Variants in RPS6KL1 observed in about 807,000 individuals in gnomAD.
RPS6KL1 encodes ribosomal protein S6 kinase-like 1.
RPS6KL1 carries 41 observed loss-of-function variants against 57.0 expected under a neutral mutation model. That is an observed-to-expected ratio of 0.72 (90% CI 0.56 to 0.93). The LOEUF is 0.93. Among genes scored for constraint, RPS6KL1 ranks in the 40% least tolerant of loss-of-function variants. The pLI is 0.00. For missense variants in RPS6KL1, 697 were observed against 727.7 expected (o/e 0.96, Z 0.49); for synonymous variants, 287 against 309.7 (o/e 0.93, Z 0.77).
At chr14:74,911,942 C>A in intron 5 of RPS6KL1, 101 bp from the exon 6 acceptor site, 2 of 958,444 alleles carry the variant, frequency 2.1e-6, no homozygotes, top group Non-Finnish European at 3.2e-6. Flanking sequence ...GAGGCTGACT[C>A]ACTCCAGTGG....
chr14:74,921,236 C>CA, intron 3 of RPS6KL1, 41 bp downstream of exon 3: 1 of 895,214 alleles, frequency 1.1e-6, no homozygotes, highest in Non-Finnish European at 1.9e-6. Flanking sequence ...TGCACTGGCC[C>CA]TTCCCCACCC....
chr14:74,918,315 G>A (rs879931488), intron 5 of RPS6KL1, among the ~76,000 whole-genome samples, 198 bp downstream of exon 5: 27 of 152,214 alleles, frequency 1.8e-4, no homozygotes, highest in Admixed American at 1.2e-3. Context: ...AAAGTCATGC[G>A]TGTTAGGGAT....
chr14:74,920,799 C>T lies in RPS6KL1; in HGVS notation c.265+478G>A, dbSNP rs571993528. On this transcript the variant is annotated intron_variant, in intron 3 of 11. Transcript: ENST00000557413. ...GTCCAAATCAACTCATCAGTCTCCC[C>T]CCACTAGAATGCAAACTCCCAGAGG... 1.6e-3 allele frequency among the ~76,000 whole-genome samples: 245 copies of T among 152,196 alleles called. 9 individuals are homozygous for T. The South Asian group carries it at 0.049, about 31-fold the overall frequency.
chr14:74,909,445 G>A (rs1885515093), intron 8 of RPS6KL1, 98 bp downstream of exon 8: 1 of 1,449,854 alleles, frequency 6.9e-7, no homozygotes, highest in Admixed American at 2.4e-5. Context: ...CCAGGGAGGA[G>A]CAGACAACCT....
In RPS6KL1 at chr14:74,904,937, G is replaced by T. The variant is rs968183136; in HGVS notation, c.*2077C>A. 1 of 152,164 alleles carries T rather than the reference G, an allele frequency of 6.6e-6. No individual in the cohort carries two copies. The highest frequency in any genetic ancestry group is 1.5e-5 in the Non-Finnish European group (1 of 68,026). 9.4% of individuals were successfully genotyped at this position (152,164 alleles called of 1,614,324 possible). A position where few individuals can be genotyped will look rare whatever the true frequency, so the allele number is the denominator to read the frequency against. Reference sequence around the variant, plus strand: ...CTGTCTGCTGAGCTCTTGCAGTGAGGCCATCCCTCTGTGAAGGTCTGTCAC... The same window carrying T: ...CTGTCTGCTGAGCTCTTGCAGTGAGTCCATCCCTCTGTGAAGGTCTGTCAC... On this transcript the variant is annotated 3_prime_UTR_variant, in exon 12 of 12. Transcript: ENST00000557413.
rs1346776028 is a variant in RPS6KL1 at position 74,918,449 on chromosome 14, C to T, written c.483+64G>A. On this transcript the variant is annotated intron_variant, in intron 5 of 11. Coordinates refer to ENST00000557413, the MANE Select transcript of RPS6KL1 (RefSeq NM_031464.5). ...GCTTTCAGCATATCATGTCTCTCTC[C>T]CCACCGCCACCCCAAATTGCATACA... 4 of 1,216,462 alleles carry T rather than the reference C, an allele frequency of 3.3e-6. No individual in the cohort carries two copies. The African/African-American group carries it at 6.0e-5, about 18-fold the overall frequency. 75.4% of individuals were successfully genotyped at this position (1,216,462 alleles called of 1,614,324 possible). A position where few individuals can be genotyped will look rare whatever the true frequency, so the allele number is the denominator to read the frequency against.
chr14:74,918,121 T>A (rs1887172385), intron 5 of RPS6KL1, among the ~76,000 whole-genome samples: 1 of 152,188 alleles, frequency 6.6e-6, no homozygotes, highest in Non-Finnish European at 1.5e-5. Flanking sequence ...TTTTATATTT[T>A]ATTTTATTTG....
intron 3 of RPS6KL1, 39 bp downstream of exon 3, chr14:74,921,238 T>TTGGCCCCCC: frequency 1.2e-6 from 1 of 840,186 alleles, no homozygotes; most frequent in Non-Finnish European, 2.0e-6. Context: ...CACTGGCCCT[T>TTGGCCCCCC]CCCCACCCAC....
At chr14:74,912,798 C>G (rs1054984703) in intron 5 of RPS6KL1, among the ~76,000 whole-genome samples, 2 of 152,248 alleles carry the variant, frequency 1.3e-5, no homozygotes, top group Admixed American at 1.3e-4. Context: ...CTTTGGAGAG[C>G]AGCCTCTCCT....
At chr14:74,916,223 C>T (rs1886818289) in intron 5 of RPS6KL1, among the ~76,000 whole-genome samples, 1 of 152,182 alleles carries the variant, frequency 6.6e-6, no homozygotes, top group Non-Finnish European at 1.5e-5. Context: ...CCAAGTCTGG[C>T]TGCAGGGACC....
rs1016882671 is a variant in RPS6KL1, at chr14:74,922,444, T to G, written c.-487A>C. On this transcript the variant is annotated 5_prime_UTR_variant, in exon 2 of 12. Coordinates refer to ENST00000557413, the MANE Select transcript of RPS6KL1 (RefSeq NM_031464.5). ...GTGGTCAGCGAGTGAGGACCCCTCC[T>G]GGAGCCAGCAGAGAGCAGAGCACAG... 1 of 627,016 alleles carries G rather than the reference T, an allele frequency of 1.6e-6. No individual in the cohort carries two copies. Among genetic ancestry groups the G allele is most frequent in the Non-Finnish European group, 2.0e-6 (1 of 501,620 alleles). The allele number at this position is 627,016 out of a possible 1,614,324, so 38.8% of individuals were successfully genotyped here. A position where few individuals can be genotyped will look rare whatever the true frequency, so the allele number is the denominator to read the frequency against.
chr14:74,909,453 C>T (rs1371008536), intron 8 of RPS6KL1, 90 bp downstream of exon 8: 1 of 1,482,580 alleles, frequency 6.7e-7, no homozygotes, highest in Non-Finnish European at 9.0e-7. Context: ...GAGCAGACAA[C>T]CTTGGAGGTC....
At chr14:74,909,474 T>TG (rs1302502580) in intron 8 of RPS6KL1, 69 bp downstream of exon 8, 2 of 1,515,422 alleles carry the variant, frequency 1.3e-6, no homozygotes. Context: ...CCCTCGACTT[T>TG]GGGGATCTCT....
intron 5 of RPS6KL1, among the ~76,000 whole-genome samples, chr14:74,913,526 A>G (rs1886362973): frequency 6.6e-6 from 1 of 152,200 alleles, no homozygotes; most frequent in Non-Finnish European, 1.5e-5. Flanking sequence ...ACTGCACTCT[A>G]GTCTGGGCAA....
intron 5 of RPS6KL1, among the ~76,000 whole-genome samples, chr14:74,917,342 C>T (rs1337290198): frequency 2.0e-5 from 3 of 152,224 alleles, no homozygotes; most frequent in Admixed American, 1.3e-4. Flanking sequence ...CGTGGCCACC[C>T]GGGGTGGTGC....
In RPS6KL1 at chr14:74,907,471, C is replaced by T; in HGVS notation, c.1503G>A (p.Glu501=). Reference sequence around the variant, plus strand: ...GAGAGGCCGCTGGGCGACTGAGCCACTCGGGCAGCTGGAGCTGGGTGTGGG... The same window carrying T: ...GAGAGGCCGCTGGGCGACTGAGCCATTCGGGCAGCTGGAGCTGGGTGTGGG... ...IQAHTQLQLP[E]WLSRPAASLL... Residue 501 remains glutamate (E), a synonymous_variant, in exon 11 of 12, where the codon GAG becomes GAA. Transcript: ENST00000557413. 1 of 1,588,838 alleles carries T rather than the reference C, an allele frequency of 6.3e-7. No homozygotes were observed. Among genetic ancestry groups the T allele is most frequent in the Non-Finnish European group, 8.6e-7 (1 of 1,167,838 alleles).
Position 74,907,045 on chromosome 14 carries a change from C to G in RPS6KL1, c.1619G>C (p.Ser540Thr). The part of the protein sequence containing the change: ...VSKLKSHPFF[S>T]TIQWSKLVG ...CACCAGCTTGCTCCATTGGATGGTA[C>G]TGAAAAAGGGATGGGACTTGAGTTT... Residue 540 changes from serine (S) to threonine (T), a missense_variant, in exon 12 of 12, where the codon AGT becomes ACT. Physicochemically the swap from Ser to Thr is moderately conservative, Grantham distance 58. Transcript: ENST00000557413. The G allele has an allele frequency of 6.2e-6, 10 of 1,613,452 alleles. No individual in the cohort carries two copies. Among genetic ancestry groups the G allele is most frequent in the Non-Finnish European group, 8.5e-6 (10 of 1,179,726 alleles).
At position 74,921,473 on chromosome 14, in the gene RPS6KL1, C is replaced by T. The variant is rs1287966961; in HGVS notation, c.69G>A (p.Arg23=). Residue 23 remains arginine, a synonymous_variant, in exon 3 of 12, where the codon CGG becomes CGA. Coordinates refer to ENST00000557413, the MANE Select transcript of RPS6KL1 (RefSeq NM_031464.5). The stretch of plus-strand genomic sequence containing the variant: ...GCTCCAGGTACACGTGAGCTTGGGA[C>T]CGTGCTCGTGAGCAAGGCTCAGGCT... ...GLEPEPCSRA[R]SQAHVYLEQI... 6.2e-7 allele frequency: 1 copy of T among 1,614,118 alleles called. No homozygotes were observed. Among genetic ancestry groups the T allele is most frequent in the Non-Finnish European group, 8.5e-7 (1 of 1,180,000 alleles).
In RPS6KL1 at chr14:74,922,044, G is replaced by T; in HGVS notation, c.-87C>A. 2 of 350,750 alleles carry T rather than the reference G, an allele frequency of 5.7e-6. No individual in the cohort carries two copies. Among genetic ancestry groups the T allele is most frequent in the Non-Finnish European group, 8.3e-6 (2 of 240,614 alleles). The allele number at this position is 350,750 out of a possible 1,614,324, so 21.7% of individuals were successfully genotyped here. On this transcript the variant is annotated 5_prime_UTR_variant, in exon 2 of 12. Transcript: ENST00000557413. ...TCCGTCTGCCTCGGCCTCCCACAGTGCTGGGATTATAGACGTGAGCCACCG... is the reference window on the plus strand; with the variant it reads ...TCCGTCTGCCTCGGCCTCCCACAGTTCTGGGATTATAGACGTGAGCCACCG...
Sources: gnomAD v4.1 joint callset for allele counts (sites outside exome capture counted in the v4.1 genomes callset) on GRCh38, gnomAD v4.1.1 for gene constraint, MANE v1.5 for transcripts, NCBI Gene and HGNC (gene_info 2026-07-23, HGNC 2026-07-21) for gene names.